Variants in CPEB1 observed in about 807,000 individuals in gnomAD.
CPEB1 encodes cytoplasmic polyadenylation element-binding protein 1.
CPEB1 carries 7 observed loss-of-function variants against 65.8 expected under a neutral mutation model. The observed-to-expected ratio is 0.11, with a 90% CI of 0.06 to 0.20. The LOEUF (loss-of-function observed/expected upper bound fraction) is 0.20, where lower values mean the gene tolerates loss of function less well. Among genes scored for constraint, CPEB1 ranks in the 10% least tolerant of loss-of-function variants. The pLI is 1.00. For synonymous variants in CPEB1, 262 were observed against 260.0 expected (o/e 1.01, Z -0.08); for missense variants, 551 against 712.2 (o/e 0.77, Z 2.58).
At chr15:82,588,691 C>T (rs1208502504) in intron 3 of CPEB1, among the ~76,000 whole-genome samples, 4 of 152,198 alleles carry the variant, frequency 2.6e-5, no homozygotes, top group Non-Finnish European at 5.9e-5. Context: ...AATGCATACA[C>T]CTTACAATCC....
In CPEB1 at chr15:82,581,053, G is replaced by GCAA. The variant is rs550541025; in HGVS notation, c.272-9522_272-9521insTTG. On this transcript the variant is annotated intron_variant, in intron 3 of 12. Transcript: ENST00000684509. ...ATGGAAGTCTCCCCATGTTGCCCAG[G>GCAA]CTGTTGCTGAACCTCTGGGCTCAAG... Among the ~76,000 whole-genome samples the GCAA allele has an allele frequency of 4.6e-5, 7 of 152,210 alleles. No homozygotes were observed. The South Asian group carries it at 1.5e-3, about 32-fold the overall frequency.
Position 82,646,837 on chromosome 15 carries a change from G to GT in CPEB1, c.-98+299dup, listed in dbSNP as rs2047592391. 2.6e-5 allele frequency among the ~76,000 whole-genome samples: 4 copies of GT among 152,200 alleles called. No homozygotes were observed. In the South Asian group the frequency reaches 8.3e-4, roughly 32 times the overall value. On this transcript the variant is annotated intron_variant, in intron 1 of 12. Coordinates refer to ENST00000684509, the MANE Select transcript of CPEB1 (RefSeq NM_001365242.1). The stretch of plus-strand genomic sequence containing the variant: ...AAGGTGAGGACCCCTTTGTGGGTGA[G>GT]TCCCCCCACACTCAGGTGACTCCAG...
chr15:82,644,610 C>A (rs587734229), intron 1 of CPEB1, among the ~76,000 whole-genome samples: 1 of 152,224 alleles, frequency 6.6e-6, no homozygotes, highest in African/African-American at 2.4e-5. Flanking sequence ...AGTTTAGAAG[C>A]AAGTCAAAGA....
chr15:82,617,944 G>T (rs1165302258), intron 3 of CPEB1, among the ~76,000 whole-genome samples: 1 of 150,994 alleles, frequency 6.6e-6, no homozygotes, highest in Non-Finnish European at 1.5e-5. Flanking sequence ...CGTTTTAGCC[G>T]GGATGGTCTC....
At chr15:82,621,692 T>A (rs1349872193) in intron 3 of CPEB1, among the ~76,000 whole-genome samples, 2 of 152,086 alleles carry the variant, frequency 1.3e-5, no homozygotes, top group Non-Finnish European at 2.9e-5. Context: ...AAGTCAGCAG[T>A]CTATTTAGGT....
chr15:82,635,321 G>A (rs527412974), intron 1 of CPEB1, among the ~76,000 whole-genome samples: 1 of 152,302 alleles, frequency 6.6e-6, no homozygotes, highest in East Asian at 1.9e-4. Flanking sequence ...TTCCCATGAA[G>A]AATACATTTT....
intron 3 of CPEB1, among the ~76,000 whole-genome samples, chr15:82,573,872 T>C (rs567947478): frequency 1.3e-5 from 2 of 152,180 alleles, no homozygotes; most frequent in East Asian, 1.9e-4. Context: ...CCCAGAACTT[T>C]GGGAAGATTG....
At chr15:82,595,727 A>C (rs771022057) in intron 3 of CPEB1, among the ~76,000 whole-genome samples, 7 of 152,222 alleles carry the variant, frequency 4.6e-5, no homozygotes, top group East Asian at 3.8e-4. Flanking sequence ...TGGTTTACCA[A>C]ATAGTTCATG....
chr15:82,596,001 T>G (rs774266119), intron 3 of CPEB1, among the ~76,000 whole-genome samples: 7 of 152,228 alleles, frequency 4.6e-5, no homozygotes, highest in African/African-American at 1.2e-4. Context: ...GCCATGGGAA[T>G]GCAGTCAGTA....
chr15:82,579,050 T>G (rs1453164142), intron 3 of CPEB1, among the ~76,000 whole-genome samples: 1 of 152,172 alleles, frequency 6.6e-6, no homozygotes, highest in Non-Finnish European at 1.5e-5. Context: ...CTTGAACTCC[T>G]GACCTCATGT....
chr15:82,577,007 AGAGT>A (rs1266363602), intron 3 of CPEB1, among the ~76,000 whole-genome samples: 2 of 152,218 alleles, frequency 1.3e-5, no homozygotes, highest in Admixed American at 6.5e-5. Flanking sequence ...CCTGGGTGAC[AGAGT>A]GAGACCCCGT....
At chr15:82,644,757 C>G (rs2047365708) in intron 1 of CPEB1, among the ~76,000 whole-genome samples, 1 of 152,170 alleles carries the variant, frequency 6.6e-6, no homozygotes, top group Non-Finnish European at 1.5e-5. Context: ...TTACCTCTGG[C>G]CCCTATAGGG....
intron 3 of CPEB1, among the ~76,000 whole-genome samples, chr15:82,617,353 G>A (rs2044818478): frequency 6.6e-6 from 1 of 152,142 alleles, no homozygotes; most frequent in Non-Finnish European, 1.5e-5. Flanking sequence ...AAGAGGCTAT[G>A]AACATTTGTG....
upstream of CPEB1, chr15:82,648,442 A>T (rs2047752935): frequency 2.0e-5 from 3 of 152,354 alleles, no homozygotes; most frequent in Admixed American, 1.3e-4. Context: ...CACTCACTTT[A>T]GACCCTCTGC....
chr15:82,627,472 C>A, intron 2 of CPEB1, 105 bp from the exon 3 acceptor site: 1 of 813,950 alleles, frequency 1.2e-6, no homozygotes, highest in Non-Finnish European at 1.9e-6. Context: ...TAAGTATCTT[C>A]TTTATACATT....
At chr15:82,578,482 T>C (rs530805160) in intron 3 of CPEB1, among the ~76,000 whole-genome samples, 36 of 152,148 alleles carry the variant, frequency 2.4e-4, no homozygotes, top group African/African-American at 7.9e-4. Flanking sequence ...AATTCCAAGT[T>C]GGTGGGCACA....
chr15:82,641,399 A>C lies in CPEB1; in HGVS notation c.-98+5738T>G, dbSNP rs1004092076. 2.0e-5 allele frequency among the ~76,000 whole-genome samples: 3 copies of C among 152,200 alleles called. No homozygotes were observed. In the East Asian group the frequency reaches 5.8e-4, roughly 29 times the overall value. On this transcript the variant is annotated intron_variant, in intron 1 of 12. Coordinates refer to ENST00000684509, the MANE Select transcript of CPEB1 (RefSeq NM_001365242.1). ...GTGTTCTGTAAAAAGACACAAAAAA[A>C]CCAACCTGCCCTTCACAGTAACTGT...
At chr15:82,567,671 G>C (rs1030358407) in intron 4 of CPEB1, among the ~76,000 whole-genome samples, 2 of 152,006 alleles carry the variant, frequency 1.3e-5, no homozygotes, top group African/African-American at 4.8e-5. Context: ...ACCAGAGTGT[G>C]AACAGGTTAG....
chr15:82,648,792 A>C (rs999765755), upstream of CPEB1: 2 of 152,268 alleles, frequency 1.3e-5, no homozygotes, highest in African/African-American at 4.8e-5. Flanking sequence ...ATACCGCCGG[A>C]GGGAAGCCTG....
Sources: allele counts gnomAD v4.1 joint callset (sites outside exome capture counted in the v4.1 genomes callset), GRCh38; gene constraint gnomAD v4.1.1; transcripts MANE v1.5; gene names NCBI Gene and HGNC (gene_info 2026-07-23, HGNC 2026-07-21).